Variants in FDFT1 observed in about 807,000 individuals in gnomAD.
FDFT1 encodes the protein squalene synthase.
FDFT1 carries 68 observed loss-of-function variants against 46.8 expected under a neutral mutation model. The ratio of observed to expected loss-of-function variants is 1.45; its 90% confidence interval spans 1.19 to 1.78. The LOEUF (loss-of-function observed/expected upper bound fraction) is 1.78, where lower values mean the gene tolerates loss of function less well. Ranked by LOEUF, FDFT1 falls within the 40% of genes most tolerant of loss-of-function variation. The pLI is 0.00. For missense variants in FDFT1, 928 were observed against 524.4 expected (o/e 1.77, Z -7.52); for synonymous variants, 351 against 185.1 (o/e 1.90, Z -7.28).
At chr8:11,809,613 A>G in intron 2 of FDFT1, 54 bp from the exon 3 acceptor site, 2 of 1,504,158 alleles carry the variant, frequency 1.3e-6, no homozygotes, top group South Asian at 1.3e-5. Flanking sequence ...ATTTTAAAAT[A>G]AAAAATCTTT....
intron 1 of FDFT1, chr8:11,807,996 C>T (rs1456209298): frequency 6.6e-6 from 1 of 152,644 alleles, no homozygotes; most frequent in Non-Finnish European, 1.5e-5. Context: ...TACGAGGAAA[C>T]ACAGGGGTGT....
chr8:11,833,301 A>G (rs1304487844), intron 7 of FDFT1, among the ~76,000 whole-genome samples: 3 of 152,348 alleles, frequency 2.0e-5, no homozygotes, highest in South Asian at 4.1e-4. Context: ...CCTCATGGCT[A>G]GGGTCATAAT....
chr8:11,809,959 G>A (rs764893423), intron 3 of FDFT1, 109 bp downstream of exon 3: 12 of 833,954 alleles, frequency 1.4e-5, no homozygotes, highest in Non-Finnish European at 2.0e-5. Flanking sequence ...GCATTCTGAG[G>A]GCAGCATAAT....
At chr8:11,799,371 C>A (rs749483128), upstream of FDFT1, among the ~76,000 whole-genome samples, 3 of 152,192 alleles carry the variant, frequency 2.0e-5, no homozygotes, top group Non-Finnish European at 2.9e-5. Flanking sequence ...TCAAGGCCAG[C>A]GTTTAGCTGC....
chr8:11,803,358 T>G, intron 1 of FDFT1: 1 of 1,290,574 alleles, frequency 7.7e-7, no homozygotes, highest in African/African-American at 1.5e-5. Context: ...GAATGAAGTC[T>G]GACTCCTCCA....
At chr8:11,803,216 G>T (rs1470118715) in intron 1 of FDFT1, 1 of 1,407,976 alleles carries the variant, frequency 7.1e-7, no homozygotes, top group Non-Finnish European at 9.4e-7. Flanking sequence ...GTGAGCATCG[G>T]CGCTTACCGG....
upstream of FDFT1, among the ~76,000 whole-genome samples, chr8:11,798,563 C>T (rs930811723): frequency 9.9e-5 from 15 of 152,136 alleles, no homozygotes; most frequent in African/African-American, 1.9e-4. Context: ...AGAGAAAGGG[C>T]GTTATCAATG....
intron 6 of FDFT1, among the ~76,000 whole-genome samples, chr8:11,831,132 G>C (rs1262568239): frequency 6.6e-6 from 1 of 152,060 alleles, no homozygotes; most frequent in Non-Finnish European, 1.5e-5. Context: ...TTTGTTGTAG[G>C]AAAAATAGAA....
Position 11,821,826 on chromosome 8 carries a change from G to A in FDFT1, c.458G>A (p.Gly153Glu), listed in dbSNP as rs762939590. The A allele has an allele frequency of 6.2e-7, 1 of 1,613,708 alleles. No homozygotes were observed. The change falls in exon 4 of 8, where the codon GGG becomes GAG. Residue 153 changes from glycine to glutamate, a missense_variant. By Grantham distance (98) the Gly-to-Glu change is moderately conservative. Coordinates refer to ENST00000220584, the MANE Select transcript of FDFT1 (RefSeq NM_004462.5). The stretch of plus-strand genomic sequence containing the variant: ...GACATTTGCCGGAGAATGGGCATTG[G>A]GATGGCAGAGTTTTTGGATAAGCAT... ...IADICRRMGIGMAEFLDKHVT... is the reference protein window; with the variant it reads ...IADICRRMGIEMAEFLDKHVT...
At position 11,821,782 on chromosome 8, in the gene FDFT1, A is replaced by G. The variant is rs1317047733; in HGVS notation, c.414A>G (p.Lys138=). The change falls in exon 4 of 8, where the codon AAA becomes AAG. Residue 138 remains lysine (K), a synonymous_variant. Coordinates refer to ENST00000220584, the MANE Select transcript of FDFT1 (RefSeq NM_004462.5). ...TTGAGTTTAGAAATCTGGCTGAGAA[A>G]TACCAAACAGTGATTGCCGACATTT... is the stretch of plus-strand genomic sequence containing the variant. ...ISLEFRNLAE[K]YQTVIADICR... 4 of 1,613,664 alleles carry G rather than the reference A, an allele frequency of 2.5e-6. No individual in the cohort carries two copies. Among genetic ancestry groups the G allele is most frequent in the African/African-American group, 1.3e-5 (1 of 75,032 alleles).
At chr8:11,820,552 T>C (rs1158582424) in intron 3 of FDFT1, among the ~76,000 whole-genome samples, 2 of 152,164 alleles carry the variant, frequency 1.3e-5, no homozygotes, top group African/African-American at 4.8e-5. Flanking sequence ...AGCATAGAAG[T>C]GCGTACTGAA....
chr8:11,801,768 A>C (rs1248926185), upstream of FDFT1: 1 of 355,068 alleles, frequency 2.8e-6, no homozygotes, highest in South Asian at 2.1e-5. Context: ...ATCTTGGCTC[A>C]CTGCAAACTC....
chr8:11,804,805 C>A (rs1371295173), intron 1 of FDFT1, among the ~76,000 whole-genome samples: 1 of 151,578 alleles, frequency 6.6e-6, no homozygotes. Context: ...GACGGGGTTT[C>A]ACCATGTTGG....
intron 7 of FDFT1, among the ~76,000 whole-genome samples, chr8:11,836,387 CCT>C (rs145660219): frequency 6.6e-6 from 1 of 152,356 alleles, no homozygotes; most frequent in African/African-American, 2.4e-5. Flanking sequence ...GCTCCAGAGA[CCT>C]CTCGCTTCCT....
At chr8:11,806,531 G>GT (rs1475447362) in intron 1 of FDFT1, among the ~76,000 whole-genome samples, 2 of 152,176 alleles carry the variant, frequency 1.3e-5, no homozygotes, top group Non-Finnish European at 2.9e-5. Flanking sequence ...GGGCTGTATG[G>GT]AAAGGAGGGG....
chr8:11,807,134 T>C (rs1240895463), intron 1 of FDFT1, among the ~76,000 whole-genome samples: 1 of 152,058 alleles, frequency 6.6e-6, no homozygotes, highest in African/African-American at 2.4e-5. Flanking sequence ...CCATATTTTT[T>C]TAACCACTCC....
intron 4 of FDFT1, 60 bp from the exon 5 acceptor site, chr8:11,825,964 A>C: frequency 8.1e-7 from 1 of 1,227,322 alleles, no homozygotes; most frequent in Non-Finnish European, 1.1e-6. Context: ...AATGATCTCT[A>C]GTGTGTCCAT....
intron 2 of FDFT1, 134 bp downstream of exon 2, chr8:11,809,025 G>C (rs925634615): frequency 7.2e-7 from 1 of 1,392,410 alleles, no homozygotes; most frequent in Admixed American, 2.3e-5. Flanking sequence ...ACATAGCCCG[G>C]CCCTACGTGT....
Position 11,826,195 on chromosome 8 carries a change from A to C in FDFT1, c.682A>C (p.Arg228=), listed in dbSNP as rs376692522. 2 of 1,569,846 alleles carry C rather than the reference A, an allele frequency of 1.3e-6. No individual in the cohort carries two copies. The highest frequency in any genetic ancestry group is 1.7e-6 in the Non-Finnish European group (2 of 1,147,878). Residue 228 remains arginine (R), a synonymous_variant, in exon 5 of 8, where the codon AGA becomes CGA. Transcript: ENST00000220584. The part of the protein sequence containing the change: ...RDYLEDQQGG[R]EFWPQEVWSR... Reference sequence around the variant, plus strand: ...CTATCTGGAAGACCAGCAAGGAGGAAGAGAGTTCTGGCCTCAAGAGGTAAC... The same window carrying C: ...CTATCTGGAAGACCAGCAAGGAGGACGAGAGTTCTGGCCTCAAGAGGTAAC...
Sources: allele counts gnomAD v4.1 joint callset (sites outside exome capture counted in the v4.1 genomes callset), GRCh38; gene constraint gnomAD v4.1.1; transcripts MANE v1.5; gene names NCBI Gene and HGNC (gene_info 2026-07-23, HGNC 2026-07-21).